Variants in SENP6 observed in about 807,000 individuals in gnomAD.
SENP6 encodes the protein sentrin-specific protease 6.
In SENP6, 41 loss-of-function variants were observed where a neutral mutation model predicts 134.5. That is an observed-to-expected ratio of 0.30 (90% CI 0.24 to 0.40). The LOEUF is 0.40. Among genes scored for constraint, SENP6 ranks in the 10% least tolerant of loss-of-function variants. The pLI is 1.00. For missense variants in SENP6, 1,248 were observed against 1,312.5 expected (o/e 0.95, Z 0.76); for synonymous variants, 395 against 429.8 (o/e 0.92, Z 1.00).
At chr6:75,659,715 A>G (rs1406629026) in intron 8 of SENP6, among the ~76,000 whole-genome samples, 1 of 152,208 alleles carries the variant, frequency 6.6e-6, no homozygotes, top group East Asian at 1.9e-4. Flanking sequence ...AAGAAAATCT[A>G]TATATTTATC....
chr6:75,602,299 T>C lies in SENP6; in HGVS notation c.-226T>C. 2.2e-6 allele frequency: 1 copy of C among 456,194 alleles called. No individual in the cohort carries two copies. The highest frequency in any genetic ancestry group is 3.8e-6 in the Non-Finnish European group (1 of 260,478). The allele number at this position is 456,194 out of a possible 1,614,324, so 28.3% of individuals were successfully genotyped here. On this transcript the variant is annotated 5_prime_UTR_variant, in exon 1 of 24. Coordinates refer to ENST00000447266, the MANE Select transcript of SENP6 (RefSeq NM_015571.4). ...GTTCCCCCGGAGAGGCCTGAGAAGC[T>C]CGGGCCGCGGGCCTCGCTGCCCGCC...
intron 14 of SENP6, chr6:75,677,753 GT>G (rs1773193111): frequency 6.5e-6 from 1 of 153,042 alleles, no homozygotes; most frequent in African/African-American, 2.4e-5. Flanking sequence ...ATATAGGTAG[GT>G]AACTCTGAAG....
In SENP6 at chr6:75,678,943, ACTGAT is replaced by A. The variant is rs1562041397; in HGVS notation, c.2075+19_2075+23del. On this transcript the variant is annotated intron_variant, in intron 16 of 23. Transcript: ENST00000447266. The stretch of plus-strand genomic sequence containing the variant: ...TTTATTTGAAGTAAGTTAATTTTCC[ACTGAT>A]CTTTTATTAAATCTTTAACATTCCG... 8.8e-7 allele frequency: 1 copy of A among 1,139,894 alleles called. No homozygotes were observed. The highest frequency in any genetic ancestry group is 1.3e-5 in the South Asian group (1 of 77,004). 70.6% of individuals were successfully genotyped at this position (1,139,894 alleles called of 1,614,324 possible).
At chr6:75,703,179 G>T in intron 19 of SENP6, 107 bp downstream of exon 19, 1 of 954,228 alleles carries the variant, frequency 1.0e-6, no homozygotes, top group Middle Eastern at 3.5e-4. Context: ...TTAATGACTG[G>T]GTGTGGTGGC....
chr6:75,618,951 A>C (rs1768055321), intron 1 of SENP6, among the ~76,000 whole-genome samples: 1 of 147,620 alleles, frequency 6.8e-6, no homozygotes, highest in Non-Finnish European at 1.5e-5. Context: ...TTTTTTTTTC[A>C]GGCTTGCATT....
intron 3 of SENP6, among the ~76,000 whole-genome samples, chr6:75,627,489 C>T (rs1219784285): frequency 2.0e-5 from 3 of 152,056 alleles, no homozygotes; most frequent in African/African-American, 7.2e-5. Flanking sequence ...TGTGAGCAGG[C>T]ACGGTGTCTT....
chr6:75,666,876 A>C lies in SENP6; in HGVS notation c.1159A>C (p.Ser387Arg). The C allele has an allele frequency of 6.2e-7, 1 of 1,612,940 alleles. No individual in the cohort carries two copies. The highest frequency in any genetic ancestry group is 2.2e-5 in the East Asian group (1 of 44,860). ...NTCRAERELR[S>R]IPEDSELNTV... is the part of the protein sequence containing the mutation. ...TTGCAGAGCAGAGCGTGAACTACGAAGCATTCCAGAAGACTCAGAGTTAAA... is the reference window on the plus strand; with the variant it reads ...TTGCAGAGCAGAGCGTGAACTACGACGCATTCCAGAAGACTCAGAGTTAAA... Residue 387 changes from serine (S) to arginine (R), a missense_variant, in exon 10 of 24, where the codon AGC (serine) becomes CGC (arginine). Ser to Arg is a moderately radical substitution (Grantham distance 110). Coordinates refer to ENST00000447266, the MANE Select transcript of SENP6 (RefSeq NM_015571.4).
rs1334725413 is a variant in SENP6 at position 75,715,535 on chromosome 6, T to C, written c.3280T>C (p.Ser1094Pro). 1.2e-6 allele frequency: 2 copies of C among 1,613,422 alleles called. No homozygotes were observed. Among genetic ancestry groups the C allele is most frequent in the Middle Eastern group, 3.3e-4 (2 of 6,058 alleles). ...GAAAAGAAAGCATAAGGACACTTAC[T>C]CAACAGAAGCACCTTTAGGCGAAGG... is the stretch of plus-strand genomic sequence containing the variant. ...KEKRKHKDTY[S>P]TEAPLGEGTE... The change falls in exon 24 of 24, where the codon TCA becomes CCA. Residue 1094 changes from serine to proline, a missense_variant. Physicochemically the swap from Ser to Pro is moderately conservative, Grantham distance 74. Around this residue, in one of 3 missense-constraint regions of SENP6, gnomAD observed 386 missense variants for 395.0 expected, o/e 0.98. Transcript: ENST00000447266.
chr6:75,696,037 T>A (rs1774637649), intron 17 of SENP6, 114 bp downstream of exon 17: 2 of 941,532 alleles, frequency 2.1e-6, no homozygotes, highest in South Asian at 2.3e-5. Flanking sequence ...GCTTACTTTT[T>A]AAATTCTCCA....
At chr6:75,714,940 C>A (rs1775949043) in intron 23 of SENP6, among the ~76,000 whole-genome samples, 1 of 152,136 alleles carries the variant, frequency 6.6e-6, no homozygotes, top group Admixed American at 6.6e-5. Flanking sequence ...ATAATACTTG[C>A]CATATTTCTT....
At chr6:75,677,707 T>C (rs1773189245) in intron 14 of SENP6, 1 of 154,828 alleles carries the variant, frequency 6.5e-6, no homozygotes, top group Admixed American at 6.4e-5. Flanking sequence ...TGATCTTTAT[T>C]GTCAAAACAT....
intron 9 of SENP6, 23 bp from the exon 10 acceptor site, chr6:75,666,689 A>G: frequency 9.0e-7 from 1 of 1,109,716 alleles, no homozygotes; most frequent in Non-Finnish European, 1.2e-6. Context: ...AATATAAATT[A>G]TAAATTATTA....
intron 16 of SENP6, among the ~76,000 whole-genome samples, chr6:75,688,873 C>T (rs900794774): frequency 6.6e-6 from 1 of 152,188 alleles, no homozygotes; most frequent in Non-Finnish European, 1.5e-5. Context: ...GTGAAACCAA[C>T]CTGACCAACA....
Position 75,715,669 on chromosome 6 carries a change from T to A in SENP6, c.*75T>A. The A allele has an allele frequency of 9.3e-7, 1 of 1,069,952 alleles. No homozygotes were observed. The highest frequency in any genetic ancestry group is 1.4e-6 in the Non-Finnish European group (1 of 725,300). 66.3% of individuals were successfully genotyped at this position (1,069,952 alleles called of 1,614,324 possible). ...AATTTGGGTATAGACAATAAAGAAC[T>A]GAAGTGCTCACTACTCAGTGATTTG... On this transcript the variant is annotated 3_prime_UTR_variant, in exon 24 of 24. Coordinates refer to ENST00000447266, the MANE Select transcript of SENP6 (RefSeq NM_015571.4).
intron 6 of SENP6, among the ~76,000 whole-genome samples, chr6:75,642,056 A>T (rs542162303): frequency 6.6e-6 from 1 of 152,348 alleles, no homozygotes; most frequent in South Asian, 2.1e-4. Flanking sequence ...CAGCATTACC[A>T]TCCTTGGTGA....
rs560422004 is a variant in SENP6 at position 75,671,034 on chromosome 6, A to G, written c.1392+314A>G. Reference sequence around the variant, plus strand: ...AGTGCATGAAAAGAATATATTAAAGAACTGTAGTGAGTGAATGAAGATTCC... The same window carrying G: ...AGTGCATGAAAAGAATATATTAAAGGACTGTAGTGAGTGAATGAAGATTCC... On this transcript the variant is annotated intron_variant, in intron 11 of 23. Transcript: ENST00000447266. 3.9e-5 allele frequency among the ~76,000 whole-genome samples: 6 copies of G among 152,310 alleles called. 1 individual carries two copies. In the East Asian group the frequency reaches 9.6e-4, roughly 24 times the overall value.
chr6:75,619,980 C>T (rs966945558), intron 1 of SENP6, among the ~76,000 whole-genome samples: 13 of 151,172 alleles, frequency 8.6e-5, no homozygotes, highest in African/African-American at 2.7e-4. Context: ...GTGATCCCAG[C>T]TACTCCATAG....
At chr6:75,638,358 C>T (rs1769690673) in intron 5 of SENP6, among the ~76,000 whole-genome samples, 1 of 149,448 alleles carries the variant, frequency 6.7e-6, no homozygotes, top group South Asian at 2.1e-4. Context: ...TTTACAAAGT[C>T]CTACATTACT....
chr6:75,642,269 G>T (rs1438653780), intron 6 of SENP6, among the ~76,000 whole-genome samples: 1 of 152,184 alleles, frequency 6.6e-6, no homozygotes, highest in African/African-American at 2.4e-5. Flanking sequence ...ATTCTTATGG[G>T]ACAAAGACTA....
Sources: allele counts gnomAD v4.1 joint callset (sites outside exome capture counted in the v4.1 genomes callset), GRCh38; gene constraint gnomAD v4.1.1; regional missense constraint gnomAD v4.1.1; transcripts MANE v1.5; gene names NCBI Gene and HGNC (gene_info 2026-07-23, HGNC 2026-07-21).